ALK: variants seen among roughly 807,000 people sequenced by gnomAD.
The protein encoded by ALK is ALK receptor tyrosine kinase, also known as ALK tyrosine kinase receptor.
Under a neutral mutation model 163.1 loss-of-function variants are expected in ALK, and 74 were observed. The observed-to-expected ratio is 0.45, with a 90% CI of 0.38 to 0.55. The LOEUF is 0.55. Ranked by LOEUF, ALK falls within the 20% of genes least tolerant of loss-of-function variation. The pLI is 0.00. For missense variants in ALK, 2,063 were observed against 2,105.3 expected (o/e 0.98, Z 0.39); for synonymous variants, 960 against 843.2 (o/e 1.14, Z -2.40).
intron 1 of ALK, among the ~76,000 whole-genome samples, chr2:29,895,133 G>C (rs1667236836): frequency 6.6e-6 from 1 of 152,178 alleles, no homozygotes; most frequent in South Asian, 2.1e-4. Flanking sequence ...TATGCCTGGA[G>C]ATAAGGCAGG....
At chr2:29,893,467 A>C (rs916431825) in intron 1 of ALK, among the ~76,000 whole-genome samples, 2 of 152,180 alleles carry the variant, frequency 1.3e-5, no homozygotes, top group East Asian at 3.8e-4. Context: ...AACTATAAAG[A>C]GGTGTATAAA....
At chr2:29,364,890 G>C (rs913402980) in intron 5 of ALK, among the ~76,000 whole-genome samples, 1 of 152,192 alleles carries the variant, frequency 6.6e-6, no homozygotes, top group African/African-American at 2.4e-5. Context: ...AGGAAGAGGA[G>C]GAAATAGAGA....
intron 1 of ALK, among the ~76,000 whole-genome samples, chr2:29,744,686 G>A (rs540334130): frequency 2.6e-5 from 4 of 152,038 alleles, no homozygotes; most frequent in South Asian, 2.1e-4. Flanking sequence ...TGGCAGCCTC[G>A]ACCTTCTGAG....
intron 3 of ALK, among the ~76,000 whole-genome samples, chr2:29,570,540 GAC>G (rs1340765378): frequency 6.6e-6 from 1 of 152,224 alleles, no homozygotes; most frequent in East Asian, 1.9e-4. Context: ...AACAGCCTGA[GAC>G]ACAGGGTCTC....
chr2:29,861,973 A>T (rs533300425), intron 1 of ALK, among the ~76,000 whole-genome samples: 11 of 152,344 alleles, frequency 7.2e-5, no homozygotes, highest in African/African-American at 2.6e-4. Context: ...ATGGCTCAAA[A>T]TACACAAATC....
At chr2:29,846,272 C>T (rs1665841236) in intron 1 of ALK, among the ~76,000 whole-genome samples, 1 of 152,218 alleles carries the variant, frequency 6.6e-6, no homozygotes, top group African/African-American at 2.4e-5. Context: ...ACCGCATAGC[C>T]AGTTCACGCT....
chr2:29,378,697 T>TCCTCC (rs1297950396), intron 5 of ALK, among the ~76,000 whole-genome samples: 3 of 151,664 alleles, frequency 2.0e-5, no homozygotes, highest in Non-Finnish European at 4.4e-5. Context: ...GCCATGCTGA[T>TCCTCC]CCTCCCCTCC....
At chr2:29,844,790 ATG>A (rs763710940) in intron 1 of ALK, among the ~76,000 whole-genome samples, 6 of 152,016 alleles carry the variant, frequency 3.9e-5, no homozygotes, top group Non-Finnish European at 8.8e-5. Flanking sequence ...GTTTAAAAGT[ATG>A]TGTTTGATGT....
intron 5 of ALK, among the ~76,000 whole-genome samples, chr2:29,344,799 A>AG (rs1667898256): frequency 6.6e-6 from 1 of 152,226 alleles, no homozygotes; most frequent in South Asian, 2.1e-4. Flanking sequence ...GTGTCCAGCC[A>AG]GGGGGCAAAA....
chr2:29,792,979 C>T (rs951036137), intron 1 of ALK, among the ~76,000 whole-genome samples: 3 of 152,170 alleles, frequency 2.0e-5, no homozygotes, highest in Admixed American at 6.5e-5. Flanking sequence ...TCCATTGACT[C>T]TTCCTTTCAT....
chr2:29,759,646 A>T (rs1052945859), intron 1 of ALK, among the ~76,000 whole-genome samples: 28 of 152,302 alleles, frequency 1.8e-4, no homozygotes, highest in Admixed American at 1.5e-3. Context: ...TCATCACAAG[A>T]GAGATGTCCA....
chr2:29,494,388 T>G (rs575949572), intron 4 of ALK, among the ~76,000 whole-genome samples: 1 of 152,214 alleles, frequency 6.6e-6, no homozygotes, highest in African/African-American at 2.4e-5. Context: ...AGGCAGATGC[T>G]AACACTACAG....
At chr2:29,814,853 T>A (rs189169309) in intron 1 of ALK, among the ~76,000 whole-genome samples, 16 of 150,934 alleles carry the variant, frequency 1.1e-4, no homozygotes, top group Admixed American at 4.6e-4. Flanking sequence ...ACAATTTAAA[T>A]GTACTTACAG....
In ALK at chr2:29,489,346, C is replaced by T. The variant is rs181554575; in HGVS notation, c.1154+42569G>A. Among the ~76,000 whole-genome samples the T allele has an allele frequency of 5.3e-5, 8 of 152,292 alleles. No individual in the cohort carries two copies. The East Asian group carries it at 1.5e-3, about 29-fold the overall frequency. The stretch of plus-strand genomic sequence containing the variant: ...TTAGAGACAAAGTCTTGCTCTGTTG[C>T]CCAGGCTGGAGTGCAGTGGTGTGAT... On this transcript the variant is annotated intron_variant, in intron 4 of 28. Coordinates refer to ENST00000389048, the MANE Select transcript of ALK (RefSeq NM_004304.5).
At chr2:29,432,205 C>T (rs892163310) in intron 4 of ALK, among the ~76,000 whole-genome samples, 5 of 152,054 alleles carry the variant, frequency 3.3e-5, no homozygotes, top group Admixed American at 1.3e-4. Context: ...TGGAGGTGGT[C>T]GTAGTGGAAG....
At chr2:29,819,061 T>G (rs956531906) in intron 1 of ALK, among the ~76,000 whole-genome samples, 13 of 152,184 alleles carry the variant, frequency 8.5e-5, no homozygotes, top group Admixed American at 2.6e-4. Context: ...AGACATCTTG[T>G]TGCTGAAAGT....
chr2:29,640,765 AG>A (rs2148245301), intron 3 of ALK, among the ~76,000 whole-genome samples: 1 of 152,318 alleles, frequency 6.6e-6, no homozygotes, highest in African/African-American at 2.4e-5. Context: ...AAATACATTA[AG>A]CAAGTAATTA....
At chr2:29,274,956 A>C (rs1394876691) in intron 11 of ALK, 143 bp downstream of exon 11, 1 of 1,115,892 alleles carries the variant, frequency 9.0e-7, no homozygotes, top group East Asian at 2.4e-5. Flanking sequence ...CTTGGACCCC[A>C]TAGTCAGAGT....
Position 29,193,353 on chromosome 2 carries a change from A to G in ALK, c.4734T>C (p.Pro1578=), listed in dbSNP as rs749162642. Residue 1578 remains proline, a synonymous_variant, in exon 29 of 29, where the codon CCT becomes CCC. Transcript: ENST00000389048. The part of the protein sequence containing the change: ...EVPLFRLRHF[P]CGNVNYGYQQ... ...GGTAGCCGTAATTGACATTCCCACAAGGGAAGTGACGTAGCCTGAACAGAG... is the reference window on the plus strand; with the variant it reads ...GGTAGCCGTAATTGACATTCCCACAGGGGAAGTGACGTAGCCTGAACAGAG... The G allele has an allele frequency of 6.2e-7, 1 of 1,614,168 alleles. No individual in the cohort carries two copies. The highest frequency in any genetic ancestry group is 1.1e-5 in the South Asian group (1 of 91,078).
Sources: gnomAD v4.1 joint callset for allele counts (sites outside exome capture counted in the v4.1 genomes callset) on GRCh38, gnomAD v4.1.1 for gene constraint, MANE v1.5 for transcripts, NCBI Gene and HGNC (gene_info 2026-07-23, HGNC 2026-07-21) for gene names.